The following NFATC4 variants were observed in gnomAD, a reference collection of about 807,000 sequenced individuals.
NFATC4 encodes the protein nuclear factor of activated T-cells, cytoplasmic 4.
A neutral mutation model predicts 73.4 loss-of-function variants in NFATC4; 25 were observed. The ratio of observed to expected loss-of-function variants is 0.34; its 90% confidence interval spans 0.25 to 0.48. The LOEUF is 0.48. Ranked by LOEUF, NFATC4 falls within the 20% of genes least tolerant of loss-of-function variation. The pLI is 0.99. For missense variants in NFATC4, 1,130 were observed against 1,203.7 expected (o/e 0.94, Z 0.91); for synonymous variants, 523 against 510.3 (o/e 1.02, Z -0.34).
At chr14:24,367,957 T>A (rs2042349999), upstream of NFATC4, 1 of 1,209,182 alleles carries the variant, frequency 8.3e-7, no homozygotes, top group Non-Finnish European at 1.0e-6. Context: ...ATAGGCAACA[T>A]TAGTATCACT....
At position 24,368,258 on chromosome 14, in the gene NFATC4, G is replaced by T; in HGVS notation, c.-83G>T. 2.2e-6 allele frequency: 3 copies of T among 1,344,208 alleles called. No individual in the cohort carries two copies. Among genetic ancestry groups the T allele is most frequent in the African/African-American group, 1.5e-5 (1 of 65,064 alleles). 83.3% of individuals were successfully genotyped at this position (1,344,208 alleles called of 1,614,324 possible). ...GGGCTTCTCAGAGAAAGGGAGGGAG[G>T]GAGCCACCCGGGTGAAGATACAGCA... On this transcript the variant is annotated 5_prime_UTR_variant, in exon 1 of 10. Coordinates refer to ENST00000250373, the MANE Select transcript of NFATC4 (RefSeq NM_004554.5).
rs1433955701 is a variant in NFATC4, at chr14:24,375,655, G to A, written c.1874-5G>A. On this transcript the variant is annotated splice_polypyrimidine_tract_variant and splice_region_variant and intron_variant, in intron 6 of 9. Transcript: ENST00000250373. ...GGGCTGCAGCTCTCTGTTCCCTCTG[G>A]ACAGATGGGAAGCTGCAATGGGAGG... 6.5e-7 allele frequency: 1 copy of A among 1,538,398 alleles called. No individual in the cohort carries two copies. Among genetic ancestry groups the A allele is most frequent in the Non-Finnish European group, 8.8e-7 (1 of 1,137,814 alleles).
Position 24,376,250 on chromosome 14 carries a change from C to T in NFATC4, c.2057-44C>T. 6.4e-7 allele frequency: 1 copy of T among 1,560,084 alleles called. No homozygotes were observed. The highest frequency in any genetic ancestry group is 2.2e-5 in the East Asian group (1 of 44,482). On this transcript the variant is annotated intron_variant, in intron 8 of 9. Transcript: ENST00000250373. This position sits in a 1 kb window ranked among gnomAD's most constrained non-coding sequence, Gnocchi z 5.0. ...TGGAAGGTGTGCAGTGGGGAGACTACCAGACCTCTCACCAGCATGTCCTCC... is the reference window on the plus strand; with the variant it reads ...TGGAAGGTGTGCAGTGGGGAGACTATCAGACCTCTCACCAGCATGTCCTCC...
Position 24,370,557 on chromosome 14 carries a change from T to C in NFATC4, c.1159T>C (p.Ser387Pro). 3 of 1,612,734 alleles carry C rather than the reference T, an allele frequency of 1.9e-6. No homozygotes were observed. Among genetic ancestry groups the C allele is most frequent in the Non-Finnish European group, 2.5e-6 (3 of 1,178,884 alleles). Residue 387 changes from serine (S) to proline (P), a missense_variant, in exon 2 of 10, where the codon TCC becomes CCC. Physicochemically the swap from Ser to Pro is moderately conservative, Grantham distance 74. Coordinates refer to ENST00000250373, the MANE Select transcript of NFATC4 (RefSeq NM_004554.5). ...YLAVPSPLAWSKARIGGHSPI... is the reference protein window; with the variant it reads ...YLAVPSPLAWPKARIGGHSPI... ...GGCAGTGCCCTCCCCACTCGCTTGG[T>C]CCAAGGCCCGGATTGGGGGACACAG...
At position 24,378,235 on chromosome 14, in the gene NFATC4, A is replaced by C. The variant is rs942786235; in HGVS notation, c.*530A>C. 1 of 161,774 alleles carries C rather than the reference A, an allele frequency of 6.2e-6. No homozygotes were observed. The highest frequency in any genetic ancestry group is 1.4e-5 in the Non-Finnish European group (1 of 72,504). 10.0% of individuals were successfully genotyped at this position (161,774 alleles called of 1,614,324 possible). A position where few individuals can be genotyped will look rare whatever the true frequency, so the allele number is the denominator to read the frequency against. ...GGGGCTCAGAGGCTCCTTGACTGGG[A>C]CCAGGATTGGGGGCCAGGGCTTGAG... On this transcript the variant is annotated 3_prime_UTR_variant, in exon 10 of 10. Transcript: ENST00000250373.
Position 24,376,851 on chromosome 14 carries a change from C to T in NFATC4, c.2614C>T (p.Pro872Ser). The change falls in exon 9 of 10, where the codon CCT becomes TCT. Residue 872 changes from proline (P) to serine (S), a missense_variant. Transcript: ENST00000250373. This position sits in a 1 kb window ranked among gnomAD's most constrained non-coding sequence, Gnocchi z 5.0. Reference sequence around the variant, plus strand: ...CAGCAGCGGCTTCCGAGACAGTGTCCCTATCCAGGGTATCACGCTGGAGGA... The same window carrying T: ...CAGCAGCGGCTTCCGAGACAGTGTCTCTATCCAGGGTATCACGCTGGAGGA... ...GYSSGFRDSVPIQGITLEEVS... is the reference protein window; with the variant it reads ...GYSSGFRDSVSIQGITLEEVS... The T allele has an allele frequency of 6.3e-7, 1 of 1,589,576 alleles. No homozygotes were observed.
Position 24,373,092 on chromosome 14 carries a change from G to A in NFATC4, c.1360-79G>A. The stretch of plus-strand genomic sequence containing the variant: ...TATCTTTCACCATTCCCATCCCATG[G>A]TAGACTGAAAATCTAGGGATGAATA... On this transcript the variant is annotated intron_variant, in intron 3 of 9. Transcript: ENST00000250373. This position sits in a 1 kb window ranked among gnomAD's most constrained non-coding sequence, Gnocchi z 4.7. 7.0e-7 allele frequency: 1 copy of A among 1,419,696 alleles called. No individual in the cohort carries two copies. Among genetic ancestry groups the A allele is most frequent in the Non-Finnish European group, 9.8e-7 (1 of 1,021,294 alleles). The allele number at this position is 1,419,696 out of a possible 1,614,324, so 87.9% of individuals were successfully genotyped here.
upstream of NFATC4, chr14:24,367,273 AC>A (rs776401966): frequency 1.2e-4 from 187 of 1,593,214 alleles, no homozygotes; most frequent in Non-Finnish European, 1.4e-4. Context: ...GAGGAGGGGA[AC>A]CCACAGGGTC....
At position 24,377,858 on chromosome 14, in the gene NFATC4, C is replaced by T; in HGVS notation, c.*153C>T. On this transcript the variant is annotated 3_prime_UTR_variant, in exon 10 of 10. Transcript: ENST00000250373. This position sits in a 1 kb window ranked among gnomAD's most constrained non-coding sequence, Gnocchi z 4.2. ...CTGTCTCACTGTCTTCCCTCCCCTC[C>T]CCCAGCTGAGGTGTGGCCCTCAGGC... The T allele has an allele frequency of 6.9e-7, 1 of 1,439,042 alleles. No homozygotes were observed. Among genetic ancestry groups the T allele is most frequent in the South Asian group, 1.4e-5 (1 of 73,458 alleles). 89.1% of individuals were successfully genotyped at this position (1,439,042 alleles called of 1,614,324 possible).
At position 24,377,641 on chromosome 14, in the gene NFATC4, G is replaced by A; in HGVS notation, c.2645G>A (p.Ser882Asn). The A allele has an allele frequency of 6.2e-7, 1 of 1,614,174 alleles. No individual in the cohort carries two copies. The highest frequency in any genetic ancestry group is 8.5e-7 in the Non-Finnish European group (1 of 1,180,038). Reference sequence around the variant, plus strand: ...CTCAACTGCCCCTCCTTTACAGTGAGTGAGATCATTGGCCGAGACCTGAGT... The same window carrying A: ...CTCAACTGCCCCTCCTTTACAGTGAATGAGATCATTGGCCGAGACCTGAGT... ...PIQGITLEEV[S>N]EIIGRDLSGF... The change falls in exon 10 of 10, where the codon AGT becomes AAT. Residue 882 changes from serine to asparagine, a missense_variant. Physicochemically the swap from Ser to Asn is conservative, Grantham distance 46. This residue lies in a region of NFATC4 where 390 missense variants were observed against 408.1 expected (regional missense o/e 0.96). Transcript: ENST00000250373. The surrounding 1 kb of genome is among the most constrained non-coding windows in gnomAD (Gnocchi z 4.2).
At position 24,368,952 on chromosome 14, in the gene NFATC4, C is replaced by T. The variant is rs1286212491; in HGVS notation, c.100+512C>T. The T allele has an allele frequency of 8.6e-6, 7 of 815,984 alleles. No homozygotes were observed. The African/African-American group carries it at 1.1e-4, about 12-fold the overall frequency. 50.5% of individuals were successfully genotyped at this position (815,984 alleles called of 1,614,324 possible). A position where few individuals can be genotyped will look rare whatever the true frequency, so the allele number is the denominator to read the frequency against. Reference sequence around the variant, plus strand: ...CGCACGAATCCGCGCTGCCCGCTGCCCCCCTTCCCCCGGCTGGGCCCAGCA... The same window carrying T: ...CGCACGAATCCGCGCTGCCCGCTGCTCCCCTTCCCCCGGCTGGGCCCAGCA... On this transcript the variant is annotated intron_variant, in intron 1 of 9. Coordinates refer to ENST00000250373, the MANE Select transcript of NFATC4 (RefSeq NM_004554.5).
In NFATC4 at chr14:24,373,426, T is replaced by G. The variant is rs2042526643; in HGVS notation, c.1559+56T>G. The G allele has an allele frequency of 5.0e-6, 8 of 1,586,680 alleles. No homozygotes were observed. The South Asian group carries it at 8.9e-5, about 18-fold the overall frequency. The stretch of plus-strand genomic sequence containing the variant: ...CAGGCTTTGTACTAGCTTTCTCCAC[T>G]GGGCCTATGCTAGCCCACTTCTTCC... On this transcript the variant is annotated intron_variant, in intron 4 of 9. Transcript: ENST00000250373. The surrounding 1 kb of genome is among the most constrained non-coding windows in gnomAD (Gnocchi z 4.7).
chr14:24,374,280 C>G (rs758271884), intron 5 of NFATC4, 46 bp from the exon 6 acceptor site: 4 of 1,570,088 alleles, frequency 2.5e-6, no homozygotes, highest in Non-Finnish European at 3.4e-6. Context: ...GAGGCCACCC[C>G]TCCATGCCCA....
intron 6 of NFATC4, 39 bp from the exon 7 acceptor site, chr14:24,375,621 G>A (rs200436633): frequency 9.0e-6 from 14 of 1,549,668 alleles, no homozygotes; most frequent in Non-Finnish European, 1.2e-5. Flanking sequence ...GGACAGGGGC[G>A]CTGGAGTTGG....
chr14:24,376,347 G>C lies in NFATC4; in HGVS notation c.2110G>C (p.Ala704Pro), dbSNP rs1291289056. ...CTCATCTCTGCGGGGTTTCCCTTCA[G>C]CATCGGCAACCCCCTTTGGCACTGA... is the stretch of plus-strand genomic sequence containing the variant. ...PDSSLRGFPS[A>P]SATPFGTDMD... Residue 704 changes from alanine (A) to proline (P), a missense_variant, in exon 9 of 10, where the codon GCA becomes CCA. This residue lies in a region of NFATC4 where 390 missense variants were observed against 408.1 expected (regional missense o/e 0.96). Coordinates refer to ENST00000250373, the MANE Select transcript of NFATC4 (RefSeq NM_004554.5). This position sits in a 1 kb window ranked among gnomAD's most constrained non-coding sequence, Gnocchi z 5.0. The C allele has an allele frequency of 1.2e-6, 2 of 1,605,202 alleles. No homozygotes were observed. Among genetic ancestry groups the C allele is most frequent in the Non-Finnish European group, 1.7e-6 (2 of 1,175,580 alleles).
In NFATC4 at chr14:24,368,249, G is replaced by A; in HGVS notation, c.-92G>A. ...CGGAGGAGGGGGCTTCTCAGAGAAA[G>A]GGAGGGAGGGAGCCACCCGGGTGAA... On this transcript the variant is annotated 5_prime_UTR_variant, in exon 1 of 10. Transcript: ENST00000250373. 2 of 1,338,640 alleles carry A rather than the reference G, an allele frequency of 1.5e-6. No homozygotes were observed. The highest frequency in any genetic ancestry group is 1.9e-6 in the Non-Finnish European group (2 of 1,042,296). 82.9% of individuals were successfully genotyped at this position (1,338,640 alleles called of 1,614,324 possible). A position where few individuals can be genotyped will look rare whatever the true frequency, so the allele number is the denominator to read the frequency against.
At chr14:24,367,241 CGG>C, upstream of NFATC4, 1 of 1,370,944 alleles carries the variant, frequency 7.3e-7, no homozygotes, top group South Asian at 1.2e-5. Context: ...CTGTTGGGGG[CGG>C]GGGGGCCAAG....
Position 24,377,089 on chromosome 14 carries a change from C to A in NFATC4, c.2641+211C>A. The stretch of plus-strand genomic sequence containing the variant: ...AGAGTGCATGGGGTAACTGTCTCAG[C>A]CTTTCTCCTGTCTCTGCCTCTGTCC... On this transcript the variant is annotated intron_variant, in intron 9 of 9. Transcript: ENST00000250373. The surrounding 1 kb of genome is among the most constrained non-coding windows in gnomAD (Gnocchi z 4.2). The A allele has an allele frequency of 7.5e-7, 1 of 1,327,570 alleles. No homozygotes were observed. Among genetic ancestry groups the A allele is most frequent in the South Asian group, 2.5e-5 (1 of 40,390 alleles). 82.2% of individuals were successfully genotyped at this position (1,327,570 alleles called of 1,614,324 possible). A position where few individuals can be genotyped will look rare whatever the true frequency, so the allele number is the denominator to read the frequency against.
chr14:24,367,012 G>A (rs749176538), upstream of NFATC4: 23 of 1,610,062 alleles, frequency 1.4e-5, no homozygotes, highest in South Asian at 2.0e-4. Context: ...GACTGGAGAC[G>A]CGGCCTCTAA....
Sources: allele counts gnomAD v4.1 joint callset, GRCh38; gene constraint gnomAD v4.1.1; regional missense constraint gnomAD v4.1.1; non-coding constraint Gnocchi (gnomAD v3.1); transcripts MANE v1.5; gene names NCBI Gene and HGNC (gene_info 2026-07-23, HGNC 2026-07-21).